Variants in TRAK1 observed in about 807,000 individuals in gnomAD.
TRAK1 encodes the protein trafficking kinesin-binding protein 1.
In TRAK1, 33 loss-of-function variants were observed where a neutral mutation model predicts 92.1. The ratio of observed to expected loss-of-function variants is 0.36; its 90% CI spans 0.27 to 0.48. TRAK1 has a LOEUF of 0.48. Among genes scored for constraint, TRAK1 ranks in the 20% least tolerant of loss-of-function variants. The pLI is 0.99. For synonymous variants in TRAK1, 521 were observed against 517.3 expected (o/e 1.01, Z -0.10); for missense variants, 1,123 against 1,257.9 (o/e 0.89, Z 1.62).
intron 7 of TRAK1, among the ~76,000 whole-genome samples, chr3:42,192,400 A>ATTGCATTTCATCAAAATACTAAGTATT (rs1705910860): frequency 3.0e-5 from 4 of 131,302 alleles, no homozygotes; most frequent in Admixed American, 7.3e-5. Context: ...TACTAAGTAT[A>ATTGCATTTCATCAAAATACTAAGTATT]TTGCATTTCG....
At chr3:42,043,618 G>T (rs182329658) in intron 1 of TRAK1, among the ~76,000 whole-genome samples, 26 of 144,708 alleles carry the variant, frequency 1.8e-4, no homozygotes, top group Admixed American at 2.8e-4. Flanking sequence ...ATGGAGCTGG[G>T]GGGGGGGCGG....
chr3:42,215,129 T>C (rs1347119135), intron 14 of TRAK1, among the ~76,000 whole-genome samples: 1 of 152,190 alleles, frequency 6.6e-6, no homozygotes, highest in Non-Finnish European at 1.5e-5. Context: ...AGAACTTTTT[T>C]TCCCCCTGAA....
intron 1 of TRAK1, among the ~76,000 whole-genome samples, chr3:42,014,806 A>ATT (rs5848616): frequency 5.3e-3 from 775 of 147,094 alleles, no homozygotes; most frequent in East Asian, 7.1e-3. Context: ...TGGACCGCTG[A>ATT]TTTTTTTTTT....
In TRAK1 at chr3:42,209,719, C is replaced by A. The variant is rs1255746076; in HGVS notation, c.1745-48C>A. On this transcript the variant is annotated intron_variant, in intron 13 of 15. Coordinates refer to ENST00000327628, the MANE Select transcript of TRAK1 (RefSeq NM_001042646.3). Reference sequence around the variant, plus strand: ...CCATTGTCTTGGACTTCCATCCTAACCCTCTCTTCTCCTTGTCCCCCTTCT... The same window carrying A: ...CCATTGTCTTGGACTTCCATCCTAAACCTCTCTTCTCCTTGTCCCCCTTCT... 3.8e-6 allele frequency: 6 copies of A among 1,569,582 alleles called. No homozygotes were observed. In the South Asian group the frequency reaches 6.9e-5, roughly 18 times the overall value.
At chr3:42,128,425 G>C (rs1010124100) in intron 2 of TRAK1, among the ~76,000 whole-genome samples, 1 of 152,154 alleles carries the variant, frequency 6.6e-6, no homozygotes, top group Admixed American at 6.5e-5. Flanking sequence ...TGTGGTTCCT[G>C]TAGTTAGAGC....
chr3:42,179,610 C>T (rs1193640066), intron 3 of TRAK1, among the ~76,000 whole-genome samples: 2 of 152,206 alleles, frequency 1.3e-5, no homozygotes, highest in African/African-American at 2.4e-5. Context: ...TAAGTGTAGG[C>T]GGCAGGCTGT....
chr3:42,113,399 TCTACCCCTACCCCTACCC>T (rs1177127979), intron 1 of TRAK1, among the ~76,000 whole-genome samples: 14 of 22,092 alleles, frequency 6.3e-4, no homozygotes, highest in African/African-American at 2.1e-3. Context: ...TACCCCTACC[TCTACCCCTACCCCTACCC>T]CTACCCTTCT....
chr3:42,091,859 C>G (rs1049748113), intron 1 of TRAK1, among the ~76,000 whole-genome samples: 8 of 152,124 alleles, frequency 5.3e-5, no homozygotes, highest in Non-Finnish European at 7.4e-5. Context: ...TGAGTTGAGC[C>G]CAGACCCCCT....
intron 13 of TRAK1, 98 bp from the exon 14 acceptor site, chr3:42,209,669 T>C (rs1428283850): frequency 2.4e-6 from 3 of 1,263,574 alleles, no homozygotes; most frequent in Non-Finnish European, 3.3e-6. Context: ...GGGTTCACGC[T>C]AAGCACTTTG....
intron 2 of TRAK1, chr3:42,149,589 A>G (rs1699722753): frequency 5.2e-6 from 8 of 1,535,956 alleles, no homozygotes; most frequent in Admixed American, 3.9e-5. Flanking sequence ...ATTATGAAGA[A>G]TGCTCGGATG....
chr3:42,120,115 C>T (rs1709658553), intron 1 of TRAK1, among the ~76,000 whole-genome samples: 2 of 152,278 alleles, frequency 1.3e-5, no homozygotes, highest in South Asian at 2.1e-4. Context: ...TGGCCGGCCA[C>T]CATGGGGCAT....
chr3:42,210,053 CCCAGAGGAGATGCAGGAGCCG>C, intron 14 of TRAK1, 68 bp downstream of exon 14: 1 of 1,613,380 alleles, frequency 6.2e-7, no homozygotes, highest in Non-Finnish European at 8.5e-7. Flanking sequence ...CTCAGGCTTC[CCCAGAGGAGATGCAGGAGCCG>C]CCAGCGGCCA....
chr3:42,217,349 A>G, intron 14 of TRAK1: 1 of 985,374 alleles, frequency 1.0e-6, no homozygotes, highest in African/African-American at 1.7e-5. Flanking sequence ...TGGCTTTAGC[A>G]CTTTGGAAAC....
chr3:42,030,705 TA>T (rs1184324732), intron 1 of TRAK1, among the ~76,000 whole-genome samples: 4 of 2,450 alleles, frequency 1.6e-3, no homozygotes, highest in Non-Finnish European at 3.8e-3. Flanking sequence ...TATATATATA[TA>T]TATATATATA....
intron 1 of TRAK1, among the ~76,000 whole-genome samples, chr3:42,029,760 G>T (rs6792201): frequency 0.81 from 122,932 of 152,018 alleles, 51,563 homozygotes; most frequent in Non-Finnish European, 0.92. Context: ...ATGTTGGCAG[G>T]CTGGTCTCAA....
intron 2 of TRAK1, among the ~76,000 whole-genome samples, chr3:42,167,068 G>A (rs1320535090): frequency 6.6e-6 from 1 of 152,242 alleles, no homozygotes; most frequent in East Asian, 1.9e-4. Context: ...AAGCAAACGG[G>A]CAGACTGCTA....
chr3:42,188,807 G>A (rs1363332703), intron 5 of TRAK1, among the ~76,000 whole-genome samples: 1 of 152,218 alleles, frequency 6.6e-6, no homozygotes, highest in African/African-American at 2.4e-5. Context: ...ATTCTAAGGT[G>A]ATGTGGCAAG....
rs1490122636 is a variant in TRAK1 at position 42,224,453 on chromosome 3, GT to G, written c.*718del. 1 of 201,170 alleles carries G rather than the reference GT, an allele frequency of 5.0e-6. No individual in the cohort carries two copies. Among genetic ancestry groups the G allele is most frequent in the African/African-American group, 2.4e-5 (1 of 41,640 alleles). The allele number at this position is 201,170 out of a possible 1,614,324, so 12.5% of individuals were successfully genotyped here. On this transcript the variant is annotated 3_prime_UTR_variant, in exon 16 of 16. Coordinates refer to ENST00000327628, the MANE Select transcript of TRAK1 (RefSeq NM_001042646.3). Reference sequence around the variant, plus strand: ...AATGTATTTACACTCATGCTGCGTTGTTCAGCAGCCCCTCTGTGTTCTGTGT... The same window carrying G: ...AATGTATTTACACTCATGCTGCGTTGTCAGCAGCCCCTCTGTGTTCTGTGT...
chr3:42,023,688 G>A (rs934312320), intron 1 of TRAK1, among the ~76,000 whole-genome samples: 4 of 151,824 alleles, frequency 2.6e-5, no homozygotes, highest in African/African-American at 7.3e-5. Flanking sequence ...TTGTCCCAGC[G>A]GTGAGGACCT....
Sources: gnomAD v4.1 joint callset for allele counts (sites outside exome capture counted in the v4.1 genomes callset) on GRCh38, gnomAD v4.1.1 for gene constraint, MANE v1.5 for transcripts, NCBI Gene and HGNC (gene_info 2026-07-23, HGNC 2026-07-21) for gene names.